The following NDST3 variants were observed in gnomAD, a reference collection of about 807,000 sequenced individuals.
NDST3 encodes N-deacetylase and N-sulfotransferase 3.
NDST3 carries 58 observed loss-of-function variants against 96.1 expected under a neutral mutation model. That is an observed-to-expected ratio of 0.60 (90% CI 0.49 to 0.75). The LOEUF (loss-of-function observed/expected upper bound fraction) is 0.75, where lower values mean the gene tolerates loss of function less well. Among genes scored for constraint, NDST3 ranks in the 30% least tolerant of loss-of-function variants. NDST3 has a pLI of 0.00. For synonymous variants in NDST3, 333 were observed against 359.7 expected (o/e 0.93, Z 0.84); for missense variants, 788 against 1,034.2 (o/e 0.76, Z 3.27).
At chr4:118,243,135 AG>A (rs34405308) in intron 12 of NDST3, among the ~76,000 whole-genome samples, 9,250 of 152,122 alleles carry the variant, frequency 0.061, 375 homozygotes, top group Non-Finnish European at 0.092. Flanking sequence ...AAACTGAAAA[AG>A]ACTATCATGG....
chr4:118,255,855 T>A lies in NDST3; in HGVS notation c.*143T>A. On this transcript the variant is annotated 3_prime_UTR_variant, in exon 14 of 14. Coordinates refer to ENST00000296499, the MANE Select transcript of NDST3 (RefSeq NM_004784.3). ...TTTCTTCCATGTGCTGGCACGTGGA[T>A]GATTAGAAAAAAAGAAAAAGTATGT... The A allele has an allele frequency of 5.1e-6, 5 of 978,138 alleles. No individual in the cohort carries two copies. The highest frequency in any genetic ancestry group is 7.2e-6 in the Non-Finnish European group (5 of 698,796). 60.6% of individuals were successfully genotyped at this position (978,138 alleles called of 1,614,324 possible). A position where few individuals can be genotyped will look rare whatever the true frequency, so the allele number is the denominator to read the frequency against.
intron 6 of NDST3, among the ~76,000 whole-genome samples, chr4:118,156,126 CT>C (rs1734696044): frequency 6.6e-6 from 1 of 151,960 alleles, no homozygotes; most frequent in Non-Finnish European, 1.5e-5. Flanking sequence ...TTTTCTCATC[CT>C]TTTTTTCAAT....
rs376308226 is a variant in NDST3, at chr4:118,255,389, C to A, written c.2503-204C>A. On this transcript the variant is annotated intron_variant, in intron 13 of 13. Transcript: ENST00000296499. ...AGAGTGGGCAGTACTGTCACCACAC[C>A]TTTTGCCTCTTCCTAGTAAGAAAAA... 1.8e-4 allele frequency among the ~76,000 whole-genome samples: 27 copies of A among 152,062 alleles called. 1 individual carries two copies. Among genetic ancestry groups the A allele is most frequent in the South Asian group, 6.2e-4 (3 of 4,818 alleles).
At chr4:118,094,795 TC>T (rs1729156331) in intron 2 of NDST3, among the ~76,000 whole-genome samples, 1 of 151,786 alleles carries the variant, frequency 6.6e-6, no homozygotes, top group African/African-American at 2.4e-5. Flanking sequence ...AATGAATAGC[TC>T]TAAGGGTAAG....
intron 2 of NDST3, among the ~76,000 whole-genome samples, chr4:118,055,859 C>A (rs1038162628): frequency 1.3e-4 from 20 of 151,452 alleles, no homozygotes; most frequent in Admixed American, 3.3e-4. Flanking sequence ...AAGCATCTGG[C>A]AAATAATAGT....
chr4:118,091,272 T>G (rs1578619207), intron 2 of NDST3, among the ~76,000 whole-genome samples: 1 of 151,672 alleles, frequency 6.6e-6, no homozygotes, highest in East Asian at 1.9e-4. Context: ...AACCTACACA[T>G]GTATCCCCTG....
chr4:118,197,346 T>A (rs1278195197), intron 6 of NDST3, among the ~76,000 whole-genome samples: 2 of 107,400 alleles, frequency 1.9e-5, no homozygotes, highest in Admixed American at 1.7e-4. Flanking sequence ...TGTAACTATC[T>A]ATTAGATGTT....
At chr4:118,161,644 G>A (rs535631374) in intron 6 of NDST3, among the ~76,000 whole-genome samples, 105 of 152,274 alleles carry the variant, frequency 6.9e-4, no homozygotes, top group South Asian at 4.1e-3. Context: ...CTAGCAATCA[G>A]CGAGACTCCA....
chr4:118,054,885 T>C lies in NDST3; in HGVS notation c.975T>C (p.Asp325=). 2 of 1,609,464 alleles carry C rather than the reference T, an allele frequency of 1.2e-6. No homozygotes were observed. Among genetic ancestry groups the C allele is most frequent in the East Asian group, 2.2e-5 (1 of 44,850 alleles). The part of the protein sequence containing the change: ...GKEGTRMNTN[D]VKALLDTQNL... ...AGGGAACAAGAATGAACACCAATGA[T>C]GTAAAGGTAAGGCTCTATTTTCTCA... The change falls in exon 2 of 14, where the codon GAT becomes GAC. Residue 325 remains aspartate, a synonymous_variant. Coordinates refer to ENST00000296499, the MANE Select transcript of NDST3 (RefSeq NM_004784.3).
chr4:118,105,863 C>G (rs969065646), intron 3 of NDST3, among the ~76,000 whole-genome samples: 2 of 152,136 alleles, frequency 1.3e-5, no homozygotes, highest in Non-Finnish European at 2.9e-5. Context: ...ATGTGGCACA[C>G]TTATAATTAA....
At chr4:118,077,581 A>G (rs1727650935) in intron 2 of NDST3, among the ~76,000 whole-genome samples, 1 of 152,128 alleles carries the variant, frequency 6.6e-6, no homozygotes, top group Non-Finnish European at 1.5e-5. Flanking sequence ...TGGTCCAGAG[A>G]GGTCCCTCAG....
At chr4:118,132,690 C>T (rs533067545) in intron 4 of NDST3, among the ~76,000 whole-genome samples, 43 of 152,152 alleles carry the variant, frequency 2.8e-4, no homozygotes, top group Non-Finnish European at 3.5e-4. Flanking sequence ...GTAGTAAGTG[C>T]GTCCCAAGTG....
chr4:118,109,871 GC>G (rs1177182809), intron 3 of NDST3, among the ~76,000 whole-genome samples: 1 of 152,150 alleles, frequency 6.6e-6, no homozygotes, highest in Non-Finnish European at 1.5e-5. Flanking sequence ...TCAGAAGAGA[GC>G]TTTATCTTGT....
At chr4:118,051,484 G>A (rs1725074085) in intron 1 of NDST3, among the ~76,000 whole-genome samples, 1 of 152,036 alleles carries the variant, frequency 6.6e-6, no homozygotes, top group South Asian at 2.1e-4. Flanking sequence ...TACAGAATGG[G>A]AGAAAATATT....
intron 2 of NDST3, among the ~76,000 whole-genome samples, chr4:118,080,154 C>T (rs145116963): frequency 7.0e-4 from 106 of 151,888 alleles, no homozygotes; most frequent in African/African-American, 2.5e-3. Context: ...TTAATAAACA[C>T]GTGTAAAGTA....
chr4:118,039,262 A>G (rs1439722228), intron 1 of NDST3, among the ~76,000 whole-genome samples: 1 of 152,236 alleles, frequency 6.6e-6, no homozygotes, highest in Non-Finnish European at 1.5e-5. Context: ...CAAGGTGGTC[A>G]CTGCTATTCA....
intron 6 of NDST3, among the ~76,000 whole-genome samples, chr4:118,222,934 C>T (rs1289033399): frequency 2.6e-5 from 4 of 151,854 alleles, no homozygotes; most frequent in Non-Finnish European, 5.9e-5. Flanking sequence ...TCTCTATTTC[C>T]CATTTTCTGT....
intron 10 of NDST3, among the ~76,000 whole-genome samples, chr4:118,237,568 C>T (rs1264703903): frequency 2.0e-5 from 3 of 152,000 alleles, no homozygotes; most frequent in Admixed American, 1.3e-4. Context: ...TCATCTAATA[C>T]TTGTGTACTC....
intron 6 of NDST3, among the ~76,000 whole-genome samples, chr4:118,189,929 T>G (rs577212890): frequency 1.3e-5 from 2 of 152,194 alleles, no homozygotes; most frequent in Non-Finnish European, 2.9e-5. Context: ...ATAGGTCTTT[T>G]ATGTTTTACA....
Sources: gnomAD v4.1 joint callset for allele counts (sites outside exome capture counted in the v4.1 genomes callset) on GRCh38, gnomAD v4.1.1 for gene constraint, MANE v1.5 for transcripts, NCBI Gene and HGNC (gene_info 2026-07-23, HGNC 2026-07-21) for gene names.